The following IRAG2 variants were observed in gnomAD, a reference collection of about 807,000 sequenced individuals.
IRAG2 encodes the protein lymphoid restricted membrane protein.
In IRAG2, 45 loss-of-function variants were observed where a neutral mutation model predicts 69.9. The ratio of observed to expected loss-of-function variants is 0.64; its 90% CI spans 0.51 to 0.83. The LOEUF is 0.83. Among genes scored for constraint, IRAG2 ranks in the 40% least tolerant of loss-of-function variants. The probability of loss-of-function intolerance (pLI) is 0.00; values close to 1 mark genes in which losing one functional copy is unlikely to be tolerated. For synonymous variants in IRAG2, 193 were observed against 202.4 expected, an observed-to-expected ratio of 0.95 and a Z score of 0.40; for missense variants, 520 against 587.0, an observed-to-expected ratio of 0.89 and a Z score of 1.18.
chr12:25,101,913 T>G, intron 16 of IRAG2: 2 of 618,100 alleles, frequency 3.2e-6, no homozygotes, highest in Non-Finnish European at 6.0e-6. Context: ...TCTTCTGAAC[T>G]GTACTTTTGG....
rs1298294758 is a variant in IRAG2 at position 25,097,019 on chromosome 12, CT to C, written c.717del (p.Glu240ArgfsTer18). The C allele has an allele frequency of 6.2e-7, 1 of 1,611,874 alleles. No individual in the cohort carries two copies. The highest frequency in any genetic ancestry group is 8.5e-7 in the Non-Finnish European group (1 of 1,179,232). ...SQCAARVASR[A>X]EMLGAINQES... ...TGTGCAGCACGAGTGGCCAGTAGGGCTGAGATGTTGGGAGCCATCAATCAGG... is the reference window on the plus strand; with the variant it reads ...TGTGCAGCACGAGTGGCCAGTAGGGCGAGATGTTGGGAGCCATCAATCAGG... On this transcript the variant is annotated frameshift_variant, in exon 15 of 22. Transcript: ENST00000556887. LOFTEE classifies it high-confidence loss of function.
intron 3 of IRAG2, among the ~76,000 whole-genome samples, chr12:25,012,037 A>G (rs1944478886): frequency 1.3e-5 from 2 of 151,898 alleles, no homozygotes; most frequent in African/African-American, 4.8e-5. Flanking sequence ...AAAGAATAGT[A>G]GAATAGGAAA....
At chr12:25,010,646 C>CT (rs150791646) in intron 2 of IRAG2, among the ~76,000 whole-genome samples, 2,329 of 149,806 alleles carry the variant, frequency 0.016, 35 homozygotes, top group South Asian at 0.037. Flanking sequence ...AATTAAGAGA[C>CT]TTTTTTTTTT....
At chr12:25,019,741 G>T (rs1944563009) in intron 6 of IRAG2, among the ~76,000 whole-genome samples, 1 of 150,214 alleles carries the variant, frequency 6.7e-6, no homozygotes, top group Non-Finnish European at 1.5e-5. Flanking sequence ...TGGAACCCTT[G>T]CCAGGAACCC....
chr12:25,037,441 T>G (rs561711441), intron 15 of IRAG2, among the ~76,000 whole-genome samples: 1 of 152,148 alleles, frequency 6.6e-6, no homozygotes, highest in African/African-American at 2.4e-5. Context: ...TGGGATTACA[T>G]GCATGCACTA....
At chr12:25,033,502 C>G (rs1269759432) in intron 12 of IRAG2, among the ~76,000 whole-genome samples, 1 of 152,214 alleles carries the variant, frequency 6.6e-6, no homozygotes, top group Non-Finnish European at 1.5e-5. Context: ...TTAGCTCCAA[C>G]TAATTGTGAC....
At chr12:25,021,091 C>CTTTTTTTTTTT (rs71063389) in intron 7 of IRAG2, 645 of 264,950 alleles carry the variant, frequency 2.4e-3, no homozygotes, top group Non-Finnish European at 3.1e-3. Flanking sequence ...TCTTTCTTTT[C>CTTTTTTTTTTT]TTTTTTTTTT....
intron 13 of IRAG2, among the ~76,000 whole-genome samples, chr12:25,034,743 A>G (rs602789): frequency 6.6e-6 from 1 of 152,216 alleles, no homozygotes; most frequent in Non-Finnish European, 1.5e-5. Context: ...CTGTGATGCC[A>G]CCTTGAAAGG....
At chr12:25,088,481 G>A (rs751933725) in intron 11 of IRAG2, among the ~76,000 whole-genome samples, 1 of 152,194 alleles carries the variant, frequency 6.6e-6, no homozygotes, top group Non-Finnish European at 1.5e-5. Context: ...CCTATTTACA[G>A]AATAAGTGCT....
intron 6 of IRAG2, among the ~76,000 whole-genome samples, chr12:25,071,640 C>G (rs2140038786): frequency 6.6e-6 from 1 of 152,304 alleles, no homozygotes; most frequent in Middle Eastern, 3.4e-3. Flanking sequence ...AGTTAAATAA[C>G]TTGCCCATGA....
At chr12:25,011,493 G>A in exon 3 of IRAG2, 1 of 1,231,650 alleles carries the variant, frequency 8.1e-7, no homozygotes, top group Non-Finnish European at 1.0e-6. Flanking sequence ...CCCACATGTG[G>A]ACCTGGAAAC....
chr12:25,013,176 C>T lies in IRAG2; in HGVS notation c.896+1625C>T, dbSNP rs1008586320. 2.0e-5 allele frequency among the ~76,000 whole-genome samples: 3 copies of T among 152,178 alleles called. No individual in the cohort carries two copies. In the South Asian group the frequency reaches 6.2e-4, roughly 32 times the overall value. On this transcript the variant is annotated intron_variant, in intron 3 of 38. Transcript: ENST00000636465. ...GCAATTTAGGAATGTGTATCAGGCC[C>T]TTAAAAATATGCAGTCTTGGCCGGG... is the stretch of plus-strand genomic sequence containing the variant.
intron 7 of IRAG2, among the ~76,000 whole-genome samples, chr12:25,021,348 C>G (rs1944578993): frequency 6.6e-6 from 1 of 152,032 alleles, no homozygotes; most frequent in Non-Finnish European, 1.5e-5. Context: ...CAGAAAATAT[C>G]TGGAATGCCT....
intron 6 of IRAG2, among the ~76,000 whole-genome samples, chr12:25,018,160 G>A (rs1944546975): frequency 6.7e-6 from 1 of 150,076 alleles, no homozygotes; most frequent in South Asian, 2.1e-4. Context: ...ATTTGTGCAG[G>A]AGTTTTTGAG....
chr12:25,044,156 G>A (rs1944772769), intron 16 of IRAG2, among the ~76,000 whole-genome samples: 1 of 152,002 alleles, frequency 6.6e-6, no homozygotes, highest in Non-Finnish European at 1.5e-5. Context: ...GAAGGAGAGA[G>A]TAATAGAATA....
upstream of IRAG2, among the ~76,000 whole-genome samples, chr12:25,049,389 T>C (rs968505627): frequency 2.6e-5 from 4 of 152,204 alleles, no homozygotes; most frequent in African/African-American, 4.8e-5. Context: ...TGGAATGTTT[T>C]TCCATTTGTT....
chr12:25,063,971 C>A (rs1259634550), intron 4 of IRAG2, among the ~76,000 whole-genome samples, 155 bp downstream of exon 4: 1 of 152,162 alleles, frequency 6.6e-6, no homozygotes, highest in African/African-American at 2.4e-5. Flanking sequence ...TATTTGAGTA[C>A]CTGCTCTGTG....
intron 16 of IRAG2, 135 bp from the exon 17 acceptor site, chr12:25,102,063 T>C: frequency 2.8e-6 from 2 of 715,718 alleles, no homozygotes; most frequent in Non-Finnish European, 5.1e-6. Flanking sequence ...GATAAACAGA[T>C]ATTTATATTG....
rs764308795 is a variant in IRAG2, at chr12:25,101,223, G to C, written c.787G>C (p.Glu263Gln). The C allele has an allele frequency of 2.5e-6, 4 of 1,612,594 alleles. No individual in the cohort carries two copies. Among genetic ancestry groups the C allele is most frequent in the Non-Finnish European group, 3.4e-6 (4 of 1,179,186 alleles). The change falls in exon 16 of 22, where the codon GAA becomes CAA. Residue 263 changes from glutamate (E) to glutamine (Q), a missense_variant. Transcript: ENST00000556887. ...AGTTGAAGTGATGATTCAGCACGTA[G>C]AAAACTTGAAGAGGATGTATGCCAA... ...KAVEVMIQHVENLKRMYAKEH... is the reference protein window; with the variant it reads ...KAVEVMIQHVQNLKRMYAKEH...
Sources: allele counts gnomAD v4.1 joint callset (sites outside exome capture counted in the v4.1 genomes callset), GRCh38; gene constraint gnomAD v4.1.1; transcripts MANE v1.5; gene names NCBI Gene and HGNC (gene_info 2026-07-23, HGNC 2026-07-21).